The following TRAF4 variants were observed in gnomAD, a reference collection of about 807,000 sequenced individuals.
TRAF4 encodes the protein TNF receptor-associated factor 4.
Under a neutral mutation model 47.3 loss-of-function variants are expected in TRAF4, and 9 were observed. The ratio of observed to expected loss-of-function variants is 0.19; its 90% confidence interval spans 0.11 to 0.33. TRAF4 has a LOEUF of 0.33. Ranked by LOEUF, TRAF4 falls within the 10% of genes least tolerant of loss-of-function variation. The pLI is 1.00. For synonymous variants in TRAF4, 236 were observed against 236.9 expected, an observed-to-expected ratio of 1.00 and a Z score of 0.04; for missense variants, 448 against 620.3, an observed-to-expected ratio of 0.72 and a Z score of 2.95.
chr17:28,749,737 T>G lies in TRAF4; in HGVS notation c.*160T>G. 4 of 1,246,506 alleles carry G rather than the reference T, an allele frequency of 3.2e-6. No individual in the cohort carries two copies. The highest frequency in any genetic ancestry group is 1.9e-4 in the Middle Eastern group (1 of 5,356). The allele number at this position is 1,246,506 out of a possible 1,614,324, so 77.2% of individuals were successfully genotyped here. On this transcript the variant is annotated 3_prime_UTR_variant, in exon 7 of 7. Coordinates refer to ENST00000262395, the MANE Select transcript of TRAF4 (RefSeq NM_004295.4). ...AGCCACCACCCTCAGGTGCCTCCAA[T>G]TGGTGCTTCAGCCCTGGCCCCTGTG...
chr17:28,745,268 C>T (rs1440665258), intron 1 of TRAF4: 1 of 152,446 alleles, frequency 6.6e-6, no homozygotes, highest in Non-Finnish European at 1.5e-5. Flanking sequence ...GAAATCTCAG[C>T]AGGCCCTTTG....
intron 1 of TRAF4, 73 bp downstream of exon 1, chr17:28,744,328 C>T (rs1306415864): frequency 3.3e-5 from 49 of 1,468,602 alleles, no homozygotes; most frequent in Non-Finnish European, 4.2e-5. Context: ...GGTCTCGGGC[C>T]CGGGGCAAGG....
chr17:28,744,191 G>A lies in TRAF4; in HGVS notation c.79G>A (p.Glu27Lys), dbSNP rs1442079012. The A allele has an allele frequency of 9.4e-6, 15 of 1,596,994 alleles. No homozygotes were observed. The highest frequency in any genetic ancestry group is 1.0e-5 in the Non-Finnish European group (12 of 1,178,358). The change falls in exon 1 of 7, where the codon GAG becomes AAG. Residue 27 changes from glutamate (E) to lysine (K), a missense_variant. By Grantham distance (56) the Glu-to-Lys change is moderately conservative. Transcript: ENST00000262395. ...LCPLCGKPMR[E>K]PVQVSTCGHR... The stretch of plus-strand genomic sequence containing the variant: ...CCCACTGTGCGGGAAGCCCATGCGC[G>A]AGCCTGTGCAGGTTTCCACCTGCGG...
chr17:28,747,974 C>T, intron 3 of TRAF4, 27 bp downstream of exon 3: 2 of 1,614,150 alleles, frequency 1.2e-6, no homozygotes, highest in Non-Finnish European at 1.7e-6. Flanking sequence ...AGGGCTGGCA[C>T]CACCTCTCCC....
rs200681592 is a variant in TRAF4 at position 28,748,157 on chromosome 17, C to T, written c.441C>T (p.Asp147=). The change falls in exon 4 of 7, where the codon GAC becomes GAT. Residue 147 remains aspartate, a synonymous_variant. Coordinates refer to ENST00000262395, the MANE Select transcript of TRAF4 (RefSeq NM_004295.4). The stretch of plus-strand genomic sequence containing the variant: ...TCAAGTGCGAGTTTTGTGGCTGTGA[C>T]TTCAGTGGGGAGGCCTATGAGGTGG... ...RRLKCEFCGC[D]FSGEAYESHE... 48 of 1,613,932 alleles carry T rather than the reference C, an allele frequency of 3.0e-5. No homozygotes were observed. The highest frequency in any genetic ancestry group is 4.1e-5 in the Non-Finnish European group (48 of 1,180,002).
chr17:28,749,536 A>C lies in TRAF4; in HGVS notation c.1372A>C (p.Ile458Leu). 1 of 1,613,676 alleles carries C rather than the reference A, an allele frequency of 6.2e-7. No homozygotes were observed. The highest frequency in any genetic ancestry group is 8.5e-7 in the Non-Finnish European group (1 of 1,179,996). ...RNYVRDDAVFIRAAVELPRKI... is the reference protein window; with the variant it reads ...RNYVRDDAVFLRAAVELPRKI... The stretch of plus-strand genomic sequence containing the variant: ...CTATGTGCGGGATGATGCAGTCTTC[A>C]TCCGTGCTGCTGTTGAACTGCCCCG... Residue 458 changes from isoleucine to leucine, a missense_variant, in exon 7 of 7, where the codon ATC becomes CTC. Transcript: ENST00000262395.
rs2034468863 is a variant in TRAF4, at chr17:28,744,151, G to A, written c.39G>A (p.Lys13=). 1 of 1,593,570 alleles carries A rather than the reference G, an allele frequency of 6.3e-7. No homozygotes were observed. Among genetic ancestry groups the A allele is most frequent in the Non-Finnish European group, 8.5e-7 (1 of 1,177,440 alleles). ...GFDYKFLEKP[K]RRLLCPLCGK... is the part of the protein sequence containing the mutation. ...ACTACAAGTTCCTGGAGAAGCCCAAGCGACGGCTGCTGTGCCCACTGTGCG... is the reference window on the plus strand; with the variant it reads ...ACTACAAGTTCCTGGAGAAGCCCAAACGACGGCTGCTGTGCCCACTGTGCG... Residue 13 remains lysine, a synonymous_variant, in exon 1 of 7, where the codon AAG becomes AAA. Transcript: ENST00000262395.
At position 28,748,710 on chromosome 17, in the gene TRAF4, C is replaced by A. The variant is rs905524297; in HGVS notation, c.780+44C>A. On this transcript the variant is annotated intron_variant, in intron 6 of 6. Coordinates refer to ENST00000262395, the MANE Select transcript of TRAF4 (RefSeq NM_004295.4). ...TGTCAGCCCCCTTTTGCCCTTGAAG[C>A]CCTAGACAGAGGCTCAGCTTCTGAT... 4 of 1,595,372 alleles carry A rather than the reference C, an allele frequency of 2.5e-6. No individual in the cohort carries two copies. The African/African-American group carries it at 5.3e-5, about 21-fold the overall frequency.
At chr17:28,747,452 C>T in intron 2 of TRAF4, 188 bp downstream of exon 2, 2 of 678,770 alleles carry the variant, frequency 2.9e-6, no homozygotes. Context: ...CCCTGGAGGG[C>T]ATGCACAATG....
rs763834498 is a variant in TRAF4 at position 28,748,086 on chromosome 17, C to T, written c.370C>T (p.Arg124Cys). 1.6e-5 allele frequency: 26 copies of T among 1,613,946 alleles called. No homozygotes were observed. Among genetic ancestry groups the T allele is most frequent in the Non-Finnish European group, 2.1e-5 (25 of 1,180,048 alleles). Residue 124 changes from arginine to cysteine, a missense_variant, in exon 4 of 7, where the codon CGT becomes TGT. Transcript: ENST00000262395. ...PNRCPMKLSR[R>C]DLPAHLQHDC... ...TCGCTGCCCCATGAAGCTGAGCCGC[C>T]GTGATCTACCTGCACACTTGCAGCA...
chr17:28,747,103 G>C, intron 1 of TRAF4, 110 bp from the exon 2 acceptor site: 1 of 1,261,354 alleles, frequency 7.9e-7, no homozygotes, highest in Non-Finnish European at 1.1e-6. Context: ...CATCTAGGCT[G>C]GTTGGGAACC....
chr17:28,744,014 CGGCGCCGCCCGGAGCCGGG>C lies in TRAF4; in HGVS notation c.-98_-80del, dbSNP rs2034464304. The C allele has an allele frequency of 9.9e-7, 1 of 1,010,742 alleles. No individual in the cohort carries two copies. The highest frequency in any genetic ancestry group is 1.2e-6 in the Non-Finnish European group (1 of 848,222). The allele number at this position is 1,010,742 out of a possible 1,614,324, so 62.6% of individuals were successfully genotyped here. A position where few individuals can be genotyped will look rare whatever the true frequency, so the allele number is the denominator to read the frequency against. On this transcript the variant is annotated 5_prime_UTR_variant, in exon 1 of 7. Transcript: ENST00000262395. ...CCGAGCCCTGGCCGCGACCGCCAGT[CGGCGCCGCCCGGAGCCGGG>C]AGCGCCGCTCCAGCGAGGCGCGGGC...
rs2034563636 is a variant in TRAF4, at chr17:28,749,183, A to G, written c.1019A>G (p.His340Arg). Residue 340 changes from histidine to arginine, a missense_variant, in exon 7 of 7, where the codon CAT (histidine) becomes CGT (arginine). His to Arg is a conservative substitution (Grantham distance 29, BLOSUM62 0). Transcript: ENST00000262395. The part of the protein sequence containing the change: ...LECFSPAFYT[H>R]KYGYKLQVSA... ...TGCTTCAGCCCAGCCTTCTACACAC[A>G]TAAGTATGGTTACAAGCTGCAGGTG... is the stretch of plus-strand genomic sequence containing the variant. The G allele has an allele frequency of 1.9e-6, 3 of 1,613,968 alleles. No homozygotes were observed. The highest frequency in any genetic ancestry group is 1.1e-5 in the South Asian group (1 of 91,094).
At chr17:28,748,722 G>T in intron 6 of TRAF4, 56 bp downstream of exon 6, 1 of 1,588,336 alleles carries the variant, frequency 6.3e-7, no homozygotes, top group Non-Finnish European at 8.5e-7. Flanking sequence ...CTAGACAGAG[G>T]CTCAGCTTCT....
Position 28,749,646 on chromosome 17 carries a change from G to A in TRAF4, c.*69G>A, listed in dbSNP as rs2034571904. ...CAGTCAGGCACTGGCTGAACTTGGA[G>A]AGGGGGCCGGACCCCCGTCAGCTGC... On this transcript the variant is annotated 3_prime_UTR_variant, in exon 7 of 7. Coordinates refer to ENST00000262395, the MANE Select transcript of TRAF4 (RefSeq NM_004295.4). 3 of 1,577,980 alleles carry A rather than the reference G, an allele frequency of 1.9e-6. No homozygotes were observed. The highest frequency in any genetic ancestry group is 2.3e-5 in the South Asian group (2 of 85,686).
intron 1 of TRAF4, 39 bp from the exon 2 acceptor site, chr17:28,747,174 C>G (rs779493026): frequency 6.2e-7 from 1 of 1,605,690 alleles, no homozygotes; most frequent in African/African-American, 1.3e-5. Flanking sequence ...TCCCTTTCCC[C>G]TAATGAGAAA....
Position 28,749,738 on chromosome 17 carries a change from T to G in TRAF4, c.*161T>G. The G allele has an allele frequency of 8.1e-7, 1 of 1,230,856 alleles. No individual in the cohort carries two copies. The highest frequency in any genetic ancestry group is 1.2e-6 in the Non-Finnish European group (1 of 868,472). The allele number at this position is 1,230,856 out of a possible 1,614,324, so 76.2% of individuals were successfully genotyped here. A position where few individuals can be genotyped will look rare whatever the true frequency, so the allele number is the denominator to read the frequency against. Reference sequence around the variant, plus strand: ...GCCACCACCCTCAGGTGCCTCCAATTGGTGCTTCAGCCCTGGCCCCTGTGG... The same window carrying G: ...GCCACCACCCTCAGGTGCCTCCAATGGGTGCTTCAGCCCTGGCCCCTGTGG... On this transcript the variant is annotated 3_prime_UTR_variant, in exon 7 of 7. Transcript: ENST00000262395.
Position 28,750,099 on chromosome 17 carries a change from T to TA in TRAF4, c.*523dup, listed in dbSNP as rs1352691167. On this transcript the variant is annotated 3_prime_UTR_variant, in exon 7 of 7. Coordinates refer to ENST00000262395, the MANE Select transcript of TRAF4 (RefSeq NM_004295.4). ...TTATTAATTTGCTTCCAGCCTGACT[T>TA]ACCTGGGTTGGTTAGGTCCCTGGGA... 9 of 560,778 alleles carry TA rather than the reference T, an allele frequency of 1.6e-5. No homozygotes were observed. The highest frequency in any genetic ancestry group is 6.5e-5 in the Admixed American group (2 of 30,926). 34.7% of individuals were successfully genotyped at this position (560,778 alleles called of 1,614,324 possible). A position where few individuals can be genotyped will look rare whatever the true frequency, so the allele number is the denominator to read the frequency against.
chr17:28,749,819 C>T lies in TRAF4; in HGVS notation c.*242C>T. The T allele has an allele frequency of 1.4e-6, 1 of 734,434 alleles. No homozygotes were observed. The highest frequency in any genetic ancestry group is 2.0e-5 in the Admixed American group (1 of 50,040). 45.5% of individuals were successfully genotyped at this position (734,434 alleles called of 1,614,324 possible). A position where few individuals can be genotyped will look rare whatever the true frequency, so the allele number is the denominator to read the frequency against. On this transcript the variant is annotated 3_prime_UTR_variant, in exon 7 of 7. Coordinates refer to ENST00000262395, the MANE Select transcript of TRAF4 (RefSeq NM_004295.4). ...AAACAAGTGACCCCAGGGCCTGTCT[C>T]CCTTCTTGGGTAGGGCAGACATGCC...
Sources: gnomAD v4.1 joint callset for allele counts on GRCh38, gnomAD v4.1.1 for gene constraint, MANE v1.5 for transcripts, NCBI Gene and HGNC (gene_info 2026-07-23, HGNC 2026-07-21) for gene names.